The following GAN variants were observed in gnomAD, a reference collection of about 807,000 sequenced individuals.
GAN encodes the protein epididymis secretory sperm binding protein.
GAN carries 48 observed loss-of-function variants against 71.3 expected under a neutral mutation model. The ratio of observed to expected loss-of-function variants is 0.67; its 90% CI spans 0.53 to 0.86. The LOEUF is 0.86. Among genes scored for constraint, GAN ranks in the 40% least tolerant of loss-of-function variants. The pLI is 0.00. For missense variants in GAN, 928 were observed against 770.1 expected (o/e 1.21, Z -2.43); for synonymous variants, 386 against 276.8 (o/e 1.39, Z -3.92).
At chr16:81,344,004 C>T (rs1910033565) in intron 1 of GAN, among the ~76,000 whole-genome samples, 1 of 152,150 alleles carries the variant, frequency 6.6e-6, no homozygotes. Context: ...AGTGAACTCC[C>T]ATTCACAATT....
intron 1 of GAN, among the ~76,000 whole-genome samples, chr16:81,339,708 G>T (rs1909878679): frequency 6.6e-6 from 1 of 152,194 alleles, no homozygotes; most frequent in Non-Finnish European, 1.5e-5. Context: ...AAGAGGTAAG[G>T]GCGGAGGTGC....
chr16:81,382,290 C>G lies in GAN; in HGVS notation c.*4694C>G, dbSNP rs554709546. The G allele has an allele frequency of 9.2e-5, 14 of 152,242 alleles. No homozygotes were observed. The highest frequency in any genetic ancestry group is 8.5e-4 in the Admixed American group (13 of 15,292). 9.4% of individuals were successfully genotyped at this position (152,242 alleles called of 1,614,324 possible). A position where few individuals can be genotyped will look rare whatever the true frequency, so the allele number is the denominator to read the frequency against. On this transcript the variant is annotated 3_prime_UTR_variant, in exon 11 of 11. Coordinates refer to ENST00000648994, the MANE Select transcript of GAN (RefSeq NM_022041.4). ...CTGGAACTTGATTTTTCTAGGCATA[C>G]AAGTATTTTTAGTAATAGAATAATC...
In GAN at chr16:81,381,320, T is replaced by C. The variant is rs1326570043; in HGVS notation, c.*3724T>C. 6.6e-6 allele frequency: 1 copy of C among 152,210 alleles called. No homozygotes were observed. The highest frequency in any genetic ancestry group is 2.4e-5 in the African/African-American group (1 of 41,450). The allele number at this position is 152,210 out of a possible 1,614,324, so 9.4% of individuals were successfully genotyped here. ...CACCGCAGTATCCCCTTCCAGAATG[T>C]TGGCGTTCATGATTCAAGAGGCCTC... is the stretch of plus-strand genomic sequence containing the variant. On this transcript the variant is annotated 3_prime_UTR_variant, in exon 11 of 11. Transcript: ENST00000648994.
In GAN at chr16:81,389,791, G is replaced by A. The variant is rs1012807454; in HGVS notation, c.*12195G>A. 1 of 152,242 alleles carries A rather than the reference G, an allele frequency of 6.6e-6. No homozygotes were observed. Among genetic ancestry groups the A allele is most frequent in the African/African-American group, 2.4e-5 (1 of 41,468 alleles). The allele number at this position is 152,242 out of a possible 1,614,324, so 9.4% of individuals were successfully genotyped here. A position where few individuals can be genotyped will look rare whatever the true frequency, so the allele number is the denominator to read the frequency against. On this transcript the variant is annotated 3_prime_UTR_variant, in exon 11 of 11. Transcript: ENST00000648994. ...GTCCCTGGCCCAGCAGGTGGCCGGCGTGGCTCCTGTTGGCTCATGCCAGTG... is the reference window on the plus strand; with the variant it reads ...GTCCCTGGCCCAGCAGGTGGCCGGCATGGCTCCTGTTGGCTCATGCCAGTG...
chr16:81,344,429 A>C (rs1411308645), intron 1 of GAN, among the ~76,000 whole-genome samples: 4 of 152,170 alleles, frequency 2.6e-5, no homozygotes, highest in Admixed American at 2.6e-4. Flanking sequence ...TATATAGACC[A>C]ATGGAACAGA....
At chr16:81,363,395 G>T (rs150981386) in intron 6 of GAN, among the ~76,000 whole-genome samples, 1 of 152,214 alleles carries the variant, frequency 6.6e-6, no homozygotes, top group African/African-American at 2.4e-5. Context: ...AGAGTGGGCT[G>T]TTAGGGAAGC....
intron 2 of GAN, among the ~76,000 whole-genome samples, chr16:81,353,624 G>A (rs749505089): frequency 5.3e-5 from 8 of 152,154 alleles, no homozygotes; most frequent in Non-Finnish European, 8.8e-5. Context: ...TTGCATTTGC[G>A]AATGTGGGTG....
chr16:81,326,066 C>A (rs191050848), intron 1 of GAN, among the ~76,000 whole-genome samples: 1 of 152,302 alleles, frequency 6.6e-6, no homozygotes, highest in East Asian at 1.9e-4. Context: ...CCAGCAGACT[C>A]CTTTAGTTCA....
intron 9 of GAN, among the ~76,000 whole-genome samples, chr16:81,374,450 G>T (rs1052335252): frequency 2.6e-5 from 4 of 152,224 alleles, no homozygotes; most frequent in Non-Finnish European, 5.9e-5. Context: ...CATTACTGTG[G>T]TGTTTGCCTG....
In GAN at chr16:81,362,640, A is replaced by G. The variant is rs756800191; in HGVS notation, c.1086+29A>G. ...AAACACTAGTTGGTTGGTTTGTTTGATGTGTTTCTCTTTCCCCTTAGCGCT... is the reference window on the plus strand; with the variant it reads ...AAACACTAGTTGGTTGGTTTGTTTGGTGTGTTTCTCTTTCCCCTTAGCGCT... On this transcript the variant is annotated intron_variant, in intron 6 of 10. Coordinates refer to ENST00000648994, the MANE Select transcript of GAN (RefSeq NM_022041.4). 1.7e-5 allele frequency: 19 copies of G among 1,113,400 alleles called. No homozygotes were observed. The South Asian group carries it at 2.2e-4, about 13-fold the overall frequency. 69.0% of individuals were successfully genotyped at this position (1,113,400 alleles called of 1,614,324 possible). A position where few individuals can be genotyped will look rare whatever the true frequency, so the allele number is the denominator to read the frequency against.
In GAN at chr16:81,382,704, G is replaced by C. The variant is rs1398036483; in HGVS notation, c.*5108G>C. ...GCCCATATTTGATAACACAGACTTG[G>C]ATTGAGTGTCTGTCATGCCTGCTGG... On this transcript the variant is annotated 3_prime_UTR_variant, in exon 11 of 11. Transcript: ENST00000648994. 1.3e-5 allele frequency: 2 copies of C among 152,166 alleles called. No individual in the cohort carries two copies. Among genetic ancestry groups the C allele is most frequent in the Non-Finnish European group, 2.9e-5 (2 of 68,024 alleles). 9.4% of individuals were successfully genotyped at this position (152,166 alleles called of 1,614,324 possible).
intron 1 of GAN, among the ~76,000 whole-genome samples, chr16:81,342,242 AGGG>A (rs1342331491): frequency 6.6e-6 from 1 of 152,234 alleles, no homozygotes; most frequent in Non-Finnish European, 1.5e-5. Flanking sequence ...AAAATTAATA[AGGG>A]TATGCAGAAC....
rs150344737 is a variant in GAN at position 81,377,340 on chromosome 16, A to G, written c.1612+12A>G. The G allele has an allele frequency of 1.9e-3, 2,942 of 1,580,700 alleles. 9 individuals carry two copies. The highest frequency in any genetic ancestry group is 2.0e-3 in the Non-Finnish European group (2,300 of 1,149,394). ...AGATCTTGATACAGGTAAGAGTGTT[A>G]CAGTGATTTTCTTGGAACTGTTTCC... is the stretch of plus-strand genomic sequence containing the variant. On this transcript the variant is annotated intron_variant, in intron 10 of 10. Coordinates refer to ENST00000648994, the MANE Select transcript of GAN (RefSeq NM_022041.4).
At chr16:81,327,916 G>A (rs1190905950) in intron 1 of GAN, among the ~76,000 whole-genome samples, 1 of 152,194 alleles carries the variant, frequency 6.6e-6, no homozygotes, top group African/African-American at 2.4e-5. Flanking sequence ...AGAACTGTTT[G>A]ACAGGTTGTG....
At chr16:81,374,004 G>T (rs1431975183) in intron 9 of GAN, among the ~76,000 whole-genome samples, 1 of 152,208 alleles carries the variant, frequency 6.6e-6, no homozygotes, top group South Asian at 2.1e-4. Flanking sequence ...GCCTCCTAAA[G>T]TGCTGGGATT....
intron 1 of GAN, among the ~76,000 whole-genome samples, chr16:81,319,079 G>A (rs775717802): frequency 5.3e-5 from 8 of 151,984 alleles, no homozygotes; most frequent in Non-Finnish European, 1.2e-4. Context: ...ACTTCGGGAG[G>A]CTGAGGCGGG....
At chr16:81,350,472 G>A (rs1186704078) in intron 1 of GAN, among the ~76,000 whole-genome samples, 1 of 151,970 alleles carries the variant, frequency 6.6e-6, no homozygotes, top group Non-Finnish European at 1.5e-5. Context: ...ACTCCCAGGA[G>A]TAGACCCAAG....
intron 7 of GAN, 92 bp from the exon 8 acceptor site, chr16:81,364,882 C>T (rs192879718): frequency 7.9e-7 from 1 of 1,265,568 alleles, no homozygotes; most frequent in Non-Finnish European, 1.2e-6. Context: ...CTTCCTAAAT[C>T]TCTTTAAGTA....
chr16:81,366,744 C>G (rs1268952645), intron 9 of GAN, among the ~76,000 whole-genome samples: 1 of 152,038 alleles, frequency 6.6e-6, no homozygotes, highest in Non-Finnish European at 1.5e-5. Flanking sequence ...GTGGTAGGGG[C>G]AGATTTTCAG....
Sources: allele counts gnomAD v4.1 joint callset (sites outside exome capture counted in the v4.1 genomes callset), GRCh38; gene constraint gnomAD v4.1.1; transcripts MANE v1.5; gene names NCBI Gene and HGNC (gene_info 2026-07-23, HGNC 2026-07-21).